Variants in RFTN2 observed in about 807,000 individuals in gnomAD.
The protein encoded by RFTN2 is raftlin family member 2.
In RFTN2, 34 loss-of-function variants were observed where a neutral mutation model predicts 52.7. The observed-to-expected ratio is 0.64, with a 90% CI of 0.49 to 0.86. RFTN2 has a LOEUF of 0.86. Ranked by LOEUF, RFTN2 falls within the 40% of genes least tolerant of loss-of-function variation. The probability of loss-of-function intolerance (pLI) is 0.00; values close to 1 mark genes in which losing one functional copy is unlikely to be tolerated. For missense variants in RFTN2, 536 were observed against 600.1 expected (o/e 0.89, Z 1.12); for synonymous variants, 203 against 217.7 (o/e 0.93, Z 0.59).
intron 1 of RFTN2, among the ~76,000 whole-genome samples, chr2:197,647,278 A>C (rs1225386516): frequency 1.3e-5 from 2 of 152,034 alleles, no homozygotes; most frequent in African/African-American, 2.4e-5. Context: ...GCTGGAGTGC[A>C]GTGGCACAAT....
At chr2:197,658,956 A>T (rs2106264616) in intron 1 of RFTN2, among the ~76,000 whole-genome samples, 1 of 152,336 alleles carries the variant, frequency 6.6e-6, no homozygotes, top group East Asian at 1.9e-4. Flanking sequence ...TTATTCTTAT[A>T]GTTTCTAAAA....
chr2:197,599,282 G>A (rs1347508441), intron 7 of RFTN2, among the ~76,000 whole-genome samples: 1 of 152,118 alleles, frequency 6.6e-6, no homozygotes. Context: ...AAATGTTTTG[G>A]ACAATTTTAG....
rs773293016 is a variant in RFTN2 at position 197,633,704 on chromosome 2, A to T, written c.718+14T>A. On this transcript the variant is annotated intron_variant, in intron 4 of 8. Coordinates refer to ENST00000295049, the MANE Select transcript of RFTN2 (RefSeq NM_144629.3). ...ACTATAGTATATTCTCTTTCTACTAATCTTGTCTATTACCTTCTCCCTTTC... is the reference window on the plus strand; with the variant it reads ...ACTATAGTATATTCTCTTTCTACTATTCTTGTCTATTACCTTCTCCCTTTC... 6.2e-7 allele frequency: 1 copy of T among 1,608,238 alleles called. No homozygotes were observed. Among genetic ancestry groups the T allele is most frequent in the Non-Finnish European group, 8.5e-7 (1 of 1,176,070 alleles).
At chr2:197,645,120 T>C (rs2088730101) in intron 2 of RFTN2, among the ~76,000 whole-genome samples, 1 of 152,252 alleles carries the variant, frequency 6.6e-6, no homozygotes, top group African/African-American at 2.4e-5. Flanking sequence ...AGTCATGCAC[T>C]GCATAATGAT....
chr2:197,651,571 G>C (rs183126632), intron 1 of RFTN2, among the ~76,000 whole-genome samples: 14 of 152,052 alleles, frequency 9.2e-5, no homozygotes, highest in Non-Finnish European at 1.9e-4. Flanking sequence ...GTGAGCTATC[G>C]TGTCACTGCA....
chr2:197,599,106 C>A (rs2087838370), intron 7 of RFTN2, among the ~76,000 whole-genome samples: 1 of 152,032 alleles, frequency 6.6e-6, no homozygotes, highest in South Asian at 2.1e-4. Context: ...CACCCACCAC[C>A]ATGCCCGGCT....
chr2:197,613,807 G>C (rs1161184926), intron 7 of RFTN2, among the ~76,000 whole-genome samples: 3 of 152,190 alleles, frequency 2.0e-5, no homozygotes, highest in Non-Finnish European at 4.4e-5. Flanking sequence ...ATTGCACAAT[G>C]CTCCTTGGCA....
chr2:197,619,198 A>G (rs991771962), intron 5 of RFTN2, among the ~76,000 whole-genome samples: 6 of 152,008 alleles, frequency 3.9e-5, no homozygotes, highest in African/African-American at 1.2e-4. Flanking sequence ...CCTACTGGGA[A>G]GTGAGGAGCC....
intron 7 of RFTN2, among the ~76,000 whole-genome samples, chr2:197,600,686 A>G (rs977947543): frequency 2.6e-5 from 4 of 152,198 alleles, no homozygotes; most frequent in African/African-American, 7.2e-5. Context: ...GGATGTTTCA[A>G]ATGCCCTGGA....
intron 1 of RFTN2, among the ~76,000 whole-genome samples, chr2:197,658,053 C>T (rs1470903553): frequency 1.3e-5 from 2 of 152,110 alleles, no homozygotes; most frequent in Admixed American, 6.6e-5. Context: ...TATGTTTCCA[C>T]GATAGGCTCA....
chr2:197,581,588 T>C, intron 8 of RFTN2, among the ~76,000 whole-genome samples: 1 of 152,132 alleles, frequency 6.6e-6, no homozygotes, highest in East Asian at 1.9e-4. Flanking sequence ...TTGTAGCCCC[T>C]CCTTTAAATC....
intron 1 of RFTN2, among the ~76,000 whole-genome samples, chr2:197,650,963 T>C (rs1466445920): frequency 6.6e-6 from 1 of 152,234 alleles, no homozygotes; most frequent in Admixed American, 6.5e-5. Context: ...GTTTCTTTGA[T>C]AGTAGCTATT....
chr2:197,675,247 A>T, intron 1 of RFTN2, 73 bp downstream of exon 1: 1 of 1,194,414 alleles, frequency 8.4e-7, no homozygotes, highest in Non-Finnish European at 1.1e-6. Context: ...AAAATTTATT[A>T]AGTCAACACT....
chr2:197,583,812 G>T (rs1432913922), intron 8 of RFTN2, among the ~76,000 whole-genome samples: 1 of 151,792 alleles, frequency 6.6e-6, no homozygotes, highest in Non-Finnish European at 1.5e-5. Flanking sequence ...GGTGTGTGAT[G>T]TTCCCCTTCT....
chr2:197,605,579 A>C (rs1470682639), intron 7 of RFTN2, among the ~76,000 whole-genome samples: 1 of 152,188 alleles, frequency 6.6e-6, no homozygotes, highest in Non-Finnish European at 1.5e-5. Context: ...CTCTTCTTTA[A>C]ATATATCCTG....
chr2:197,658,898 GTTATTA>G (rs1179861066), intron 1 of RFTN2, among the ~76,000 whole-genome samples: 2 of 152,108 alleles, frequency 1.3e-5, no homozygotes. Context: ...CAAAGTGAAT[GTTATTA>G]TTAAAATTAA....
At chr2:197,572,557 G>A (rs1450069702) in intron 8 of RFTN2, among the ~76,000 whole-genome samples, 2 of 152,186 alleles carry the variant, frequency 1.3e-5, no homozygotes, top group Non-Finnish European at 2.9e-5. Context: ...TCGGCCCTCA[G>A]TGACATCTCT....
chr2:197,649,580 G>T (rs891468628), intron 1 of RFTN2, among the ~76,000 whole-genome samples: 1 of 152,116 alleles, frequency 6.6e-6, no homozygotes, highest in African/African-American at 2.4e-5. Context: ...TGCTGCTCTT[G>T]CTGACTTGGT....
At chr2:197,645,462 G>T (rs1396810689) in intron 2 of RFTN2, among the ~76,000 whole-genome samples, 1 of 125,880 alleles carries the variant, frequency 7.9e-6, no homozygotes, top group Non-Finnish European at 1.8e-5. Flanking sequence ...TTAATTAAAG[G>T]GTTGTGTAAA....
Sources: gnomAD v4.1 joint callset for allele counts (sites outside exome capture counted in the v4.1 genomes callset) on GRCh38, gnomAD v4.1.1 for gene constraint, MANE v1.5 for transcripts, NCBI Gene and HGNC (gene_info 2026-07-23, HGNC 2026-07-21) for gene names.